Variants in NSRP1 observed in about 807,000 individuals in gnomAD.
The protein encoded by NSRP1 is nuclear speckle splicing regulatory protein 1, also known as coiled-coil domain containing 55.
Under a neutral mutation model 54.7 loss-of-function variants are expected in NSRP1, and 24 were observed. The observed-to-expected ratio is 0.44, with a 90% CI of 0.32 to 0.62. The LOEUF is 0.62. NSRP1 is among the 20% of genes least tolerant of loss of function. NSRP1 has a pLI of 0.06. For synonymous variants in NSRP1, 210 were observed against 213.8 expected, an observed-to-expected ratio of 0.98 and a Z score of 0.15; for missense variants, 596 against 651.2, an observed-to-expected ratio of 0.92 and a Z score of 0.92.
At chr17:30,158,085 A>G (rs772580622) in intron 2 of NSRP1, among the ~76,000 whole-genome samples, 1 of 152,166 alleles carries the variant, frequency 6.6e-6, no homozygotes, top group African/African-American at 2.4e-5. Flanking sequence ...TTACTAATTT[A>G]CATTCCCACC....
intron 3 of NSRP1, 31 bp from the exon 4 acceptor site, chr17:30,178,040 A>G: frequency 6.2e-7 from 1 of 1,609,456 alleles, no homozygotes; most frequent in Non-Finnish European, 8.5e-7. Flanking sequence ...GCTGGCTCAT[A>G]TTTTTGAAAC....
intron 2 of NSRP1, among the ~76,000 whole-genome samples, chr17:30,133,417 G>A (rs900249200): frequency 3.9e-5 from 6 of 152,120 alleles, no homozygotes; most frequent in African/African-American, 7.2e-5. Context: ...TATTTTGAAA[G>A]GAATCTTTTT....
chr17:30,171,976 C>CACA (rs1567804388), intron 2 of NSRP1, among the ~76,000 whole-genome samples: 43 of 80,432 alleles, frequency 5.3e-4, no homozygotes, highest in African/African-American at 1.4e-3. Context: ...ACACACACTC[C>CACA]CTCTCTCTCT....
intron 2 of NSRP1, among the ~76,000 whole-genome samples, chr17:30,121,196 T>A (rs1182221788): frequency 6.6e-6 from 1 of 152,196 alleles, no homozygotes; most frequent in Non-Finnish European, 1.5e-5. Context: ...TTTCAAGTAG[T>A]TTTTGAGTAA....
chr17:30,150,021 T>G (rs1473178339), intron 2 of NSRP1: 1 of 152,170 alleles, frequency 6.6e-6, no homozygotes, highest in Non-Finnish European at 1.5e-5. Flanking sequence ...CTCTACAGAT[T>G]TACCTATTTG....
At chr17:30,180,102 G>C (rs1905247223) in intron 5 of NSRP1, among the ~76,000 whole-genome samples, 1 of 151,384 alleles carries the variant, frequency 6.6e-6, no homozygotes, top group Non-Finnish European at 1.5e-5. Flanking sequence ...CTCCCAAAGT[G>C]TTGGCATTAC....
chr17:30,161,657 T>C (rs184809669), intron 2 of NSRP1, among the ~76,000 whole-genome samples: 1 of 152,294 alleles, frequency 6.6e-6, no homozygotes, highest in East Asian at 1.9e-4. Flanking sequence ...GGGATTTGAG[T>C]CATCAGTGCT....
Position 30,185,744 on chromosome 17 carries a change from C to T in NSRP1, c.*70C>T. 1 of 1,455,536 alleles carries T rather than the reference C, an allele frequency of 6.9e-7. No individual in the cohort carries two copies. Among genetic ancestry groups the T allele is most frequent in the Non-Finnish European group, 9.2e-7 (1 of 1,091,568 alleles). The allele number at this position is 1,455,536 out of a possible 1,614,324, so 90.2% of individuals were successfully genotyped here. ...ATTCCTGGAACCTGCTGCGTAAAAC[C>T]ATAAAGGAGTGTGTTACCAGTAGTT... is the stretch of plus-strand genomic sequence containing the variant. On this transcript the variant is annotated 3_prime_UTR_variant, in exon 7 of 7. Transcript: ENST00000247026.
chr17:30,141,667 CACAA>C (rs1294748131), intron 2 of NSRP1, among the ~76,000 whole-genome samples: 1 of 152,130 alleles, frequency 6.6e-6, no homozygotes, highest in Non-Finnish European at 1.5e-5. Flanking sequence ...TGTTAATTGG[CACAA>C]ACAAATTGGT....
At chr17:30,173,982 A>C (rs1905043676) in intron 3 of NSRP1, among the ~76,000 whole-genome samples, 1 of 152,222 alleles carries the variant, frequency 6.6e-6, no homozygotes, top group South Asian at 2.1e-4. Context: ...AAACATAAAA[A>C]ACAGTGATTA....
At chr17:30,131,103 A>G (rs959897891) in intron 2 of NSRP1, among the ~76,000 whole-genome samples, 2 of 152,232 alleles carry the variant, frequency 1.3e-5, no homozygotes, top group African/African-American at 2.4e-5. Flanking sequence ...AAAATTAAAC[A>G]GGTATTTAGG....
intron 2 of NSRP1, chr17:30,162,930 A>T (rs1904571893): frequency 1.3e-5 from 2 of 151,530 alleles, no homozygotes; most frequent in South Asian, 4.2e-4. Flanking sequence ...TCCAGACTGG[A>T]GTGTAGTGGC....
rs755092577 is a variant in NSRP1, at chr17:30,180,909, A to G, written c.510A>G (p.Ala170=). ...EREKRAAALE[A]CLDVTKQKDL... The stretch of plus-strand genomic sequence containing the variant: ...TAATTTTTGCTTTCCCTCTGTTAGC[A>G]TGTTTGGATGTAACCAAGCAGAAAG... Residue 170 remains alanine (A), a splice_region_variant and synonymous_variant, in exon 6 of 7, where the codon GCA becomes GCG. Transcript: ENST00000247026. 1.4e-5 allele frequency: 22 copies of G among 1,604,228 alleles called. No homozygotes were observed. In the Admixed American group the frequency reaches 3.0e-4, roughly 22 times the overall value.
chr17:30,182,711 G>C lies in NSRP1; in HGVS notation c.617+1695G>C, dbSNP rs567542644. On this transcript the variant is annotated intron_variant, in intron 6 of 6. Coordinates refer to ENST00000247026, the MANE Select transcript of NSRP1 (RefSeq NM_032141.4). Reference sequence around the variant, plus strand: ...GCACTTTGGGAGGCCAAGGCGGGCGGATTGCGAGGTCAGGAGATTGAGACC... The same window carrying C: ...GCACTTTGGGAGGCCAAGGCGGGCGCATTGCGAGGTCAGGAGATTGAGACC... Among the ~76,000 whole-genome samples, 183 of 152,130 alleles carry C rather than the reference G, an allele frequency of 1.2e-3. 2 individuals carry two copies. The highest frequency in any genetic ancestry group is 4.3e-3 in the African/African-American group (180 of 41,496).
chr17:30,135,722 G>A (rs888372922), intron 2 of NSRP1, among the ~76,000 whole-genome samples: 3 of 150,686 alleles, frequency 2.0e-5, no homozygotes, highest in Non-Finnish European at 4.4e-5. Context: ...GACCCGCCTC[G>A]GCCTCCCAAA....
intron 3 of NSRP1, among the ~76,000 whole-genome samples, chr17:30,176,145 C>T (rs567460761): frequency 6.6e-6 from 1 of 151,514 alleles, no homozygotes; most frequent in Non-Finnish European, 1.5e-5. Context: ...TGTTCTGTTA[C>T]TGAGAGGCAT....
intron 2 of NSRP1, among the ~76,000 whole-genome samples, chr17:30,135,853 C>T (rs2071746504): frequency 2.0e-5 from 3 of 152,086 alleles, no homozygotes; most frequent in Admixed American, 1.3e-4. Context: ...TCCCTCTAAA[C>T]ATGCATATAG....
At chr17:30,184,373 G>C (rs1905427279) in intron 6 of NSRP1, among the ~76,000 whole-genome samples, 1 of 152,146 alleles carries the variant, frequency 6.6e-6, no homozygotes, top group Non-Finnish European at 1.5e-5. Flanking sequence ...TAGTATAGTA[G>C]ACAAGGGCTA....
chr17:30,134,198 T>A (rs2071727946), intron 2 of NSRP1, among the ~76,000 whole-genome samples: 1 of 152,182 alleles, frequency 6.6e-6, no homozygotes, highest in Non-Finnish European at 1.5e-5. Context: ...ACACACAACA[T>A]GTATCAGTTA....
Sources: gnomAD v4.1 joint callset for allele counts (sites outside exome capture counted in the v4.1 genomes callset) on GRCh38, gnomAD v4.1.1 for gene constraint, MANE v1.5 for transcripts, NCBI Gene and HGNC (gene_info 2026-07-23, HGNC 2026-07-21) for gene names.